Variants in SUSD1 observed in about 807,000 individuals in gnomAD.
SUSD1 encodes the protein sushi domain containing 1.
Under a neutral mutation model 86.9 loss-of-function variants are expected in SUSD1, and 65 were observed. The observed-to-expected ratio is 0.75, with a 90% CI of 0.61 to 0.92. SUSD1 has a LOEUF of 0.92. SUSD1 is among the 40% of genes least tolerant of loss of function. SUSD1 has a pLI of 0.00. For missense variants in SUSD1, 850 were observed against 929.7 expected (o/e 0.91, Z 1.11); for synonymous variants, 346 against 350.0 (o/e 0.99, Z 0.13).
At chr9:112,138,237 G>GTATATATATATATATATATATA (rs375674193) in intron 5 of SUSD1, among the ~76,000 whole-genome samples, 4 of 4,146 alleles carry the variant, frequency 9.6e-4, no homozygotes, top group Non-Finnish European at 1.4e-3. Context: ...AAAAAAATGT[G>GTATATATATATATATATATATA]TATATATATA....
intron 10 of SUSD1, among the ~76,000 whole-genome samples, chr9:112,095,850 A>G (rs894390506): frequency 1.3e-5 from 2 of 152,024 alleles, no homozygotes; most frequent in African/African-American, 4.8e-5. Flanking sequence ...AAGAAGGGAG[A>G]CTCTTTCACT....
chr9:112,136,448 G>A (rs888486954), intron 5 of SUSD1, among the ~76,000 whole-genome samples: 1 of 152,084 alleles, frequency 6.6e-6, no homozygotes, highest in Non-Finnish European at 1.5e-5. Context: ...TTTCCGGGCT[G>A]GTCTTGAACT....
intron 1 of SUSD1, among the ~76,000 whole-genome samples, chr9:112,165,851 AG>A (rs1225369995): frequency 7.2e-6 from 1 of 138,156 alleles, no homozygotes; most frequent in African/African-American, 2.7e-5. Context: ...AGAAAGAGAA[AG>A]AGAAGGAAGG....
intron 2 of SUSD1, among the ~76,000 whole-genome samples, chr9:112,154,291 C>G (rs1196838809): frequency 6.7e-6 from 1 of 149,950 alleles, no homozygotes. Context: ...TAGTTCAAGA[C>G]CAGCCTGGGC....
Position 112,112,847 on chromosome 9 carries a change from T to C in SUSD1, c.908A>G (p.Asp303Gly), listed in dbSNP as rs200034266. Reference sequence around the variant, plus strand: ...ACAGGTATCATTAAACAGTGATACATCATTAATCTTTGTCAGAATTTCTAA... The same window carrying C: ...ACAGGTATCATTAAACAGTGATACACCATTAATCTTTGTCAGAATTTCTAA... The part of the protein sequence containing the change: ...TCTEILTKIN[D>G]VSLFNDTCVR... Residue 303 changes from aspartate (D) to glycine (G), a missense_variant, in exon 7 of 17, where the codon GAT becomes GGT. Coordinates refer to ENST00000374270, the MANE Select transcript of SUSD1 (RefSeq NM_022486.5). 6 of 1,612,280 alleles carry C rather than the reference T, an allele frequency of 3.7e-6. No homozygotes were observed. The East Asian group carries it at 1.1e-4, about 30-fold the overall frequency.
At chr9:112,140,587 T>TA (rs1832523192) in intron 5 of SUSD1, among the ~76,000 whole-genome samples, 3 of 151,846 alleles carry the variant, frequency 2.0e-5, no homozygotes, top group East Asian at 3.9e-4. Flanking sequence ...CCAAAATTTT[T>TA]AAAAAACTAA....
intron 12 of SUSD1, among the ~76,000 whole-genome samples, chr9:112,070,654 C>A (rs959194349): frequency 2.0e-5 from 3 of 151,972 alleles, no homozygotes; most frequent in African/African-American, 4.8e-5. Flanking sequence ...CTGCTAGAAG[C>A]AAATGGCAAA....
intron 10 of SUSD1, among the ~76,000 whole-genome samples, chr9:112,083,677 C>A (rs1304936315): frequency 6.6e-6 from 1 of 152,298 alleles, no homozygotes. Context: ...TCTTCACGGT[C>A]AGAATATAAC....
chr9:112,081,088 G>T lies in SUSD1; in HGVS notation c.1475-923C>A, dbSNP rs76191649. Among the ~76,000 whole-genome samples, 859 of 152,284 alleles carry T rather than the reference G, an allele frequency of 5.6e-3. 5 individuals are homozygous for T. Among genetic ancestry groups the T allele is most frequent in the Non-Finnish European group, 8.7e-3 (591 of 68,020 alleles). ...TACACCCATCCAAGTAGTCAAGAAA[G>T]ACTATTTATTCAAAACCCTGACATC... On this transcript the variant is annotated intron_variant, in intron 10 of 16. Transcript: ENST00000374270.
chr9:112,111,718 G>A lies in SUSD1; in HGVS notation c.1107C>T (p.Thr369=), dbSNP rs77171090. 1.1e-4 allele frequency: 170 copies of A among 1,614,178 alleles called. No homozygotes were observed. In the African/African-American group the frequency reaches 2.0e-3, roughly 19 times the overall value. ...TGGGAGGTGCTGTGGAGATGTTCAC[G>A]GTGTAGTTGGTGCCTGGGTACAGGG... ...CLALYPGTNY[T]VNISTAPPRR... The change falls in exon 8 of 17, where the codon ACC becomes ACT. Residue 369 remains threonine (T), a synonymous_variant. Transcript: ENST00000374270.
In SUSD1 at chr9:112,113,169, CTGGTAGAA is replaced by C. The variant is rs1831174896; in HGVS notation, c.887-309_887-302del. On this transcript the variant is annotated intron_variant, in intron 6 of 16. Transcript: ENST00000374270. The surrounding 1 kb of genome is among the most constrained non-coding windows in gnomAD (Gnocchi z 4.1). ...CACTGGATGCCACTGGCATTCCACTCTGGTAGAATGGAATGAGGCCCAGAGCTGGGTCC... is the reference window on the plus strand; with the variant it reads ...CACTGGATGCCACTGGCATTCCACTCTGGAATGAGGCCCAGAGCTGGGTCC... 6.6e-6 allele frequency among the ~76,000 whole-genome samples: 1 copy of C among 152,166 alleles called. No individual in the cohort carries two copies. The highest frequency in any genetic ancestry group is 2.4e-5 in the African/African-American group (1 of 41,438).
chr9:112,077,499 C>CTTTTTTTTTTTTTTTTTTTT (rs869259276), intron 12 of SUSD1, among the ~76,000 whole-genome samples: 1 of 66,404 alleles, frequency 1.5e-5, no homozygotes, highest in Non-Finnish European at 2.9e-5. Flanking sequence ...TAGTAATCTA[C>CTTTTTTTTTTTTTTTTTTTT]TTTTTTTTTT....
chr9:112,097,876 A>G (rs1265094685), intron 10 of SUSD1, among the ~76,000 whole-genome samples: 3 of 152,174 alleles, frequency 2.0e-5, no homozygotes, highest in Admixed American at 2.0e-4. Context: ...CCACAGGATT[A>G]AAGAACAAAA....
At chr9:112,049,695 A>G (rs911431504) in intron 15 of SUSD1, among the ~76,000 whole-genome samples, 2 of 152,234 alleles carry the variant, frequency 1.3e-5, no homozygotes, top group African/African-American at 4.8e-5. Flanking sequence ...CAGTCTCCAA[A>G]CTTTTTTGAA....
intron 1 of SUSD1, among the ~76,000 whole-genome samples, chr9:112,161,425 A>C (rs769272256): frequency 1.3e-5 from 2 of 151,994 alleles, no homozygotes; most frequent in Non-Finnish European, 2.9e-5. Context: ...AATCTTGGAA[A>C]TACTTTCTAA....
At chr9:112,067,115 T>C (rs1829016641) in intron 12 of SUSD1, among the ~76,000 whole-genome samples, 1 of 152,214 alleles carries the variant, frequency 6.6e-6, no homozygotes, top group Non-Finnish European at 1.5e-5. Flanking sequence ...TCACCTCAGG[T>C]GATCCGCCCA....
At chr9:112,126,414 A>C (rs1216736361) in intron 5 of SUSD1, among the ~76,000 whole-genome samples, 1 of 152,212 alleles carries the variant, frequency 6.6e-6, no homozygotes, top group Non-Finnish European at 1.5e-5. Context: ...GAATAATGGA[A>C]GGCATGATGA....
At chr9:112,167,686 A>T (rs904352948) in intron 1 of SUSD1, among the ~76,000 whole-genome samples, 30 of 152,160 alleles carry the variant, frequency 2.0e-4, no homozygotes, top group Admixed American at 6.5e-5. Flanking sequence ...GTTTCCTGTA[A>T]ATCTGTAAAA....
At chr9:112,055,560 G>A (rs1828411159) in intron 14 of SUSD1, among the ~76,000 whole-genome samples, 1 of 152,180 alleles carries the variant, frequency 6.6e-6, no homozygotes, top group Non-Finnish European at 1.5e-5. Flanking sequence ...CTGCTGGTGG[G>A]AATGGAAAAT....
Sources: allele counts gnomAD v4.1 joint callset (sites outside exome capture counted in the v4.1 genomes callset), GRCh38; gene constraint gnomAD v4.1.1; non-coding constraint Gnocchi (gnomAD v3.1); transcripts MANE v1.5; gene names NCBI Gene and HGNC (gene_info 2026-07-23, HGNC 2026-07-21).